The following CEP85L variants were observed in gnomAD, a reference collection of about 807,000 sequenced individuals.
CEP85L encodes centrosomal protein 85L.
CEP85L carries 60 observed loss-of-function variants against 100.3 expected under a neutral mutation model. The observed-to-expected ratio is 0.60, with a 90% CI of 0.49 to 0.74. The LOEUF (loss-of-function observed/expected upper bound fraction) is 0.74. Ranked by LOEUF, CEP85L falls within the 30% of genes least tolerant of loss-of-function variation. The pLI is 0.00. For missense variants in CEP85L, 973 were observed against 936.2 expected, an observed-to-expected ratio of 1.04 and a Z score of -0.51; for synonymous variants, 319 against 322.7, an observed-to-expected ratio of 0.99 and a Z score of 0.12.
intron 3 of CEP85L, among the ~76,000 whole-genome samples, chr6:118,547,111 A>T (rs1294274313): frequency 6.6e-6 from 1 of 152,128 alleles, no homozygotes; most frequent in East Asian, 1.9e-4. Context: ...ATAAGCATTT[A>T]AAAAATTAAA....
rs1267070175 is a variant in CEP85L at position 118,463,215 on chromosome 6, C to T, written c.*2190G>A. Reference sequence around the variant, plus strand: ...ACTAAGCCAAAAAACAAAAACGTATCTATAGTAGATTAAAACAAACTGTAA... The same window carrying T: ...ACTAAGCCAAAAAACAAAAACGTATTTATAGTAGATTAAAACAAACTGTAA... On this transcript the variant is annotated 3_prime_UTR_variant, in exon 13 of 13. Coordinates refer to ENST00000368491, the MANE Select transcript of CEP85L (RefSeq NM_001042475.3). The T allele has an allele frequency of 1.3e-5, 2 of 151,404 alleles. No individual in the cohort carries two copies. The highest frequency in any genetic ancestry group is 3.0e-5 in the Non-Finnish European group (2 of 67,778). 9.4% of individuals were successfully genotyped at this position (151,404 alleles called of 1,614,324 possible). A position where few individuals can be genotyped will look rare whatever the true frequency, so the allele number is the denominator to read the frequency against.
rs180897744 is a variant in CEP85L, at chr6:118,666,467, A to G, written c.-27-13659T>C. 4.9e-4 allele frequency among the ~76,000 whole-genome samples: 74 copies of G among 152,328 alleles called. 1 individual carries two copies. The Middle Eastern group carries it at 0.017, about 35-fold the overall frequency. ...TGCTCTTTCCACTATACCAGGATGA[A>G]TACATGAGAGTCAATACCTATTGAA... On this transcript the variant is annotated intron_variant, in intron 1 of 13. Transcript: ENST00000368488.
chr6:118,582,445 T>C (rs1238751630), intron 2 of CEP85L, among the ~76,000 whole-genome samples: 2 of 152,104 alleles, frequency 1.3e-5, no homozygotes, highest in African/African-American at 4.8e-5. Flanking sequence ...CAGAAAAATA[T>C]GGATATAAGC....
At chr6:118,484,899 G>A (rs1774066266) in intron 6 of CEP85L, among the ~76,000 whole-genome samples, 1 of 152,176 alleles carries the variant, frequency 6.6e-6, no homozygotes, top group African/African-American at 2.4e-5. Flanking sequence ...AGCAACACTA[G>A]TTTAAGGCAC....
At chr6:118,641,915 G>C (rs1486255298) in intron 1 of CEP85L, among the ~76,000 whole-genome samples, 3 of 152,010 alleles carry the variant, frequency 2.0e-5, no homozygotes, top group Non-Finnish European at 4.4e-5. Context: ...TCCCCATAAG[G>C]GTAAAGATGA....
At chr6:118,559,476 G>GGA (rs1779100609) in intron 3 of CEP85L, 1 of 241,742 alleles carries the variant, frequency 4.1e-6, no homozygotes, top group African/African-American at 2.3e-5. Context: ...ATATTACAAT[G>GGA]TAAAAGCTTC....
chr6:118,596,643 A>G (rs1258368805), intron 2 of CEP85L, among the ~76,000 whole-genome samples: 1 of 152,126 alleles, frequency 6.6e-6, no homozygotes. Context: ...TTCAGGTAAT[A>G]TCTTAATACA....
At chr6:118,651,629 G>A, upstream of CEP85L, 1 of 1,028,726 alleles carries the variant, frequency 9.7e-7, no homozygotes, top group Non-Finnish European at 1.2e-6. Flanking sequence ...CCGGGGCTGG[G>A]GCCGCGAGGG....
At chr6:118,642,580 A>T (rs1055169123) in intron 1 of CEP85L, among the ~76,000 whole-genome samples, 2 of 152,196 alleles carry the variant, frequency 1.3e-5, no homozygotes, top group African/African-American at 2.4e-5. Flanking sequence ...CACACTAGTT[A>T]AAAAATACCT....
intron 4 of CEP85L, 68 bp downstream of exon 4, chr6:118,523,734 A>G (rs902525139): frequency 8.3e-6 from 6 of 724,468 alleles, no homozygotes; most frequent in Non-Finnish European, 1.2e-5. Flanking sequence ...AGTGGACATA[A>G]AGTTAATTGT....
chr6:118,491,963 G>A (rs929441540), intron 5 of CEP85L, 98 bp from the exon 6 acceptor site: 2 of 798,826 alleles, frequency 2.5e-6, no homozygotes, highest in African/African-American at 3.6e-5. Context: ...AGTACATATA[G>A]GCTACATGAA....
At position 118,565,597 on chromosome 6, in the gene CEP85L, A is replaced by C. The variant is rs1359208292; in HGVS notation, c.952T>G (p.Tyr318Asp). 1.1e-5 allele frequency: 17 copies of C among 1,614,236 alleles called. No individual in the cohort carries two copies. Among genetic ancestry groups the C allele is most frequent in the Non-Finnish European group, 1.4e-5 (17 of 1,180,038 alleles). ...TGCTGTTGCCAAGGAGCTAAACTGT[A>C]AGAATCCTCTGTATTTCTACCTTCC... is the stretch of plus-strand genomic sequence containing the variant. ...PLEGRNTEDS[Y>D]SLAPWQQQQI... The change falls in exon 3 of 13, where the codon TAC becomes GAC. Residue 318 changes from tyrosine (Y) to aspartate (D), a missense_variant. By Grantham distance (160) the Tyr-to-Asp change is radical. Transcript: ENST00000368491.
In CEP85L at chr6:118,465,398, C is replaced by T. The variant is rs1268209161; in HGVS notation, c.*7G>A. On this transcript the variant is annotated 3_prime_UTR_variant, in exon 13 of 13. Transcript: ENST00000368491. ...CAGGTCATTATTGCTGTGGGACTAACACTTGATCACTGAGTAATGCAGTTG... is the reference window on the plus strand; with the variant it reads ...CAGGTCATTATTGCTGTGGGACTAATACTTGATCACTGAGTAATGCAGTTG... 7.4e-6 allele frequency: 12 copies of T among 1,611,444 alleles called. No individual in the cohort carries two copies. The highest frequency in any genetic ancestry group is 1.0e-5 in the Non-Finnish European group (12 of 1,178,592).
chr6:118,499,864 T>G (rs1310355506), intron 5 of CEP85L, among the ~76,000 whole-genome samples: 1 of 151,788 alleles, frequency 6.6e-6, no homozygotes, highest in Non-Finnish European at 1.5e-5. Context: ...CTTTTCAACA[T>G]CATACTGGAA....
At chr6:118,686,346 A>T (rs1426732615) in intron 1 of CEP85L, among the ~76,000 whole-genome samples, 1 of 152,202 alleles carries the variant, frequency 6.6e-6, no homozygotes. Flanking sequence ...TCACTCCAGT[A>T]AAATCTCTCC....
intron 2 of CEP85L, among the ~76,000 whole-genome samples, chr6:118,626,323 A>T (rs988194642): frequency 1.3e-5 from 2 of 151,816 alleles, no homozygotes; most frequent in African/African-American, 4.8e-5. Context: ...TGTATGCCCC[A>T]CTCCTCCCCT....
In CEP85L at chr6:118,651,441, A is replaced by G. The variant is rs2115387319; in HGVS notation, c.-172T>C. On this transcript the variant is annotated 5_prime_UTR_variant, in exon 1 of 13. Coordinates refer to ENST00000368491, the MANE Select transcript of CEP85L (RefSeq NM_001042475.3). Reference sequence around the variant, plus strand: ...GCTACGGGCGGGGAGCGCAGGGGCCAGATTCGCCGCACTGCCGGCGCCTGC... The same window carrying G: ...GCTACGGGCGGGGAGCGCAGGGGCCGGATTCGCCGCACTGCCGGCGCCTGC... 1 of 1,326,478 alleles carries G rather than the reference A, an allele frequency of 7.5e-7. No homozygotes were observed. The highest frequency in any genetic ancestry group is 3.2e-5 in the East Asian group (1 of 31,668). 82.2% of individuals were successfully genotyped at this position (1,326,478 alleles called of 1,614,324 possible). A position where few individuals can be genotyped will look rare whatever the true frequency, so the allele number is the denominator to read the frequency against.
At chr6:118,593,152 T>C (rs1181327950) in intron 2 of CEP85L, among the ~76,000 whole-genome samples, 2 of 152,124 alleles carry the variant, frequency 1.3e-5, no homozygotes, top group South Asian at 4.1e-4. Flanking sequence ...AAATTAGTAG[T>C]TGCCTACAGC....
chr6:118,541,700 T>C (rs1188211006), intron 3 of CEP85L, among the ~76,000 whole-genome samples: 2 of 152,174 alleles, frequency 1.3e-5, no homozygotes, highest in Admixed American at 1.3e-4. Flanking sequence ...AAAGCTCAGA[T>C]CTACATTAAG....
Sources: allele counts gnomAD v4.1 joint callset (sites outside exome capture counted in the v4.1 genomes callset), GRCh38; gene constraint gnomAD v4.1.1; transcripts MANE v1.5; gene names NCBI Gene and HGNC (gene_info 2026-07-23, HGNC 2026-07-21).